The following RRP7A variants were observed in gnomAD, a reference collection of about 807,000 sequenced individuals.
RRP7A encodes ribosomal RNA processing 7 homolog A, also known as ribosomal RNA-processing protein 7 homolog A.
Under a neutral mutation model 38.4 loss-of-function variants are expected in RRP7A, and 27 were observed. The observed-to-expected ratio is 0.70, with a 90% CI of 0.52 to 0.97. The LOEUF (loss-of-function observed/expected upper bound fraction) is 0.97. Ranked by LOEUF, RRP7A falls within the 50% of genes least tolerant of loss-of-function variation. The pLI, the probability that RRP7A is intolerant of heterozygous loss-of-function variation, is 0.00. For synonymous variants in RRP7A, 124 were observed against 150.3 expected (o/e 0.83, Z 1.28); for missense variants, 327 against 375.4 (o/e 0.87, Z 1.07).
In RRP7A at chr22:42,509,371, G is replaced by A. The variant is rs539840531; in HGVS notation, c.*3539C>T. Among the ~76,000 whole-genome samples the A allele has an allele frequency of 6.6e-6, 1 of 151,034 alleles. No homozygotes were observed. The highest frequency in any genetic ancestry group is 2.1e-4 in the South Asian group (1 of 4,818). On this transcript the variant is annotated 3_prime_UTR_variant, in exon 7 of 7. Coordinates refer to ENST00000323013, the MANE Select transcript of RRP7A (RefSeq NM_015703.5). ...AGGTGTCAGCGGGGGGCATGCCCAG[G>A]TAAGGCTCCATAACCAGTGAGCCCA...
rs1932408931 is a variant in RRP7A, at chr22:42,510,117, A to C, written c.*2793T>G. 1 of 152,168 alleles carries C rather than the reference A, an allele frequency of 6.6e-6. No individual in the cohort carries two copies. Among genetic ancestry groups the C allele is most frequent in the African/African-American group, 2.4e-5 (1 of 41,334 alleles). 9.4% of individuals were successfully genotyped at this position (152,168 alleles called of 1,614,324 possible). Reference sequence around the variant, plus strand: ...GTAGCTGGGACTACAGGCACCCACCACCAAGCCCGGCTAATTTTTGTATTT... The same window carrying C: ...GTAGCTGGGACTACAGGCACCCACCCCCAAGCCCGGCTAATTTTTGTATTT... On this transcript the variant is annotated 3_prime_UTR_variant, in exon 7 of 7. Transcript: ENST00000323013.
intron 1 of RRP7A, among the ~76,000 whole-genome samples, chr22:42,519,414 G>A (rs1007456086): frequency 1.3e-5 from 2 of 152,340 alleles, no homozygotes; most frequent in East Asian, 1.9e-4. Context: ...GGGCTCACCT[G>A]GACGAGCGGG....
At position 42,512,283 on chromosome 22, in the gene RRP7A, C is replaced by T. The variant is rs5758776; in HGVS notation, c.*627G>A. On this transcript the variant is annotated 3_prime_UTR_variant, in exon 7 of 7. Coordinates refer to ENST00000323013, the MANE Select transcript of RRP7A (RefSeq NM_015703.5). ...AGACCTAGTGCTCCCAGACTCAACA[C>T]TGGGACTCTGAGTTCCTGAGCCCCA... 109,556 of 1,526,434 alleles carry T rather than the reference C, an allele frequency of 0.072. 14,300 individuals are homozygous for T. In the East Asian group the frequency reaches 0.73, roughly 10 times the overall value. 94.6% of individuals were successfully genotyped at this position (1,526,434 alleles called of 1,614,324 possible). A position where few individuals can be genotyped will look rare whatever the true frequency, so the allele number is the denominator to read the frequency against.
At chr22:42,515,518 C>A (rs1230382216) in intron 3 of RRP7A, among the ~76,000 whole-genome samples, 1 of 152,228 alleles carries the variant, frequency 6.6e-6, no homozygotes, top group Non-Finnish European at 1.5e-5. Flanking sequence ...ACAGAGGCTT[C>A]TTTTCTTCCA....
At chr22:42,513,710 C>T (rs1920923199) in intron 6 of RRP7A, among the ~76,000 whole-genome samples, 1 of 149,112 alleles carries the variant, frequency 6.7e-6, no homozygotes, top group African/African-American at 2.5e-5. Flanking sequence ...CACACACACA[C>T]ACACCCACCA....
intron 2 of RRP7A, 82 bp from the exon 3 acceptor site, chr22:42,516,218 G>C: frequency 6.4e-7 from 1 of 1,565,622 alleles, no homozygotes; most frequent in Non-Finnish European, 8.7e-7. Flanking sequence ...GGCGCTGCCA[G>C]GGGTCCAGCG....
Position 42,512,126 on chromosome 22 carries a change from G to T in RRP7A, c.*784C>A. ...CCCCCTCCCCTCTCCAGCGGTTCCA[G>T]TTTGTGGAAGTCCCAGGCAATCACT... On this transcript the variant is annotated 3_prime_UTR_variant, in exon 7 of 7. Transcript: ENST00000323013. The T allele has an allele frequency of 1.5e-6, 2 of 1,364,734 alleles. No homozygotes were observed. The highest frequency in any genetic ancestry group is 2.1e-6 in the Non-Finnish European group (2 of 957,366). 84.5% of individuals were successfully genotyped at this position (1,364,734 alleles called of 1,614,324 possible). A position where few individuals can be genotyped will look rare whatever the true frequency, so the allele number is the denominator to read the frequency against.
In RRP7A at chr22:42,509,846, G is replaced by A. The variant is rs1478876027; in HGVS notation, c.*3064C>T. 3.1e-5 allele frequency: 1 copy of A among 32,326 alleles called. No individual in the cohort carries two copies. The highest frequency in any genetic ancestry group is 4.6e-5 in the Non-Finnish European group (1 of 21,762). The allele number at this position is 32,326 out of a possible 1,614,324, so 2.0% of individuals were successfully genotyped here. ...CCGGAAGCCTGTTGGGGGTGGGGGG[G>A]TGGGGTGTGTGTGTGTGTGTGTAAG... On this transcript the variant is annotated 3_prime_UTR_variant, in exon 7 of 7. Transcript: ENST00000323013.
intron 2 of RRP7A, 29 bp downstream of exon 2, chr22:42,517,976 G>A (rs1920935373): frequency 1.2e-6 from 2 of 1,606,714 alleles, no homozygotes; most frequent in Non-Finnish European, 1.7e-6. Context: ...TGAGCCCACA[G>A]GTCTCCTCCC....
In RRP7A at chr22:42,510,193, A is replaced by T. The variant is rs1932411293; in HGVS notation, c.*2717T>A. ...TTAGCCAGGATGGTCTCATCTCCTG[A>T]CCTCGTGATCCACCCGCCTCAGCCT... On this transcript the variant is annotated 3_prime_UTR_variant, in exon 7 of 7. Transcript: ENST00000323013. 1 of 152,358 alleles carries T rather than the reference A, an allele frequency of 6.6e-6. No individual in the cohort carries two copies. The highest frequency in any genetic ancestry group is 1.5e-5 in the Non-Finnish European group (1 of 68,254). The allele number at this position is 152,358 out of a possible 1,614,324, so 9.4% of individuals were successfully genotyped here.
At position 42,519,652 on chromosome 22, in the gene RRP7A, A is replaced by G. The variant is rs550798125; in HGVS notation, c.73+62T>C. 518 of 1,328,802 alleles carry G rather than the reference A, an allele frequency of 3.9e-4. 6 individuals carry two copies. In the South Asian group the frequency reaches 8.0e-3, roughly 20 times the overall value. 82.3% of individuals were successfully genotyped at this position (1,328,802 alleles called of 1,614,324 possible). A position where few individuals can be genotyped will look rare whatever the true frequency, so the allele number is the denominator to read the frequency against. On this transcript the variant is annotated intron_variant, in intron 1 of 6. Coordinates refer to ENST00000323013, the MANE Select transcript of RRP7A (RefSeq NM_015703.5). ...TCCTGGGGACCCCCGGCCGTCGCCAACCCCCAAACACCTCCCGGCGATGCC... is the reference window on the plus strand; with the variant it reads ...TCCTGGGGACCCCCGGCCGTCGCCAGCCCCCAAACACCTCCCGGCGATGCC...
chr22:42,514,504 G>A (rs4822145), intron 5 of RRP7A, among the ~76,000 whole-genome samples, 178 bp downstream of exon 5: 17,887 of 151,248 alleles, frequency 0.12, 1,277 homozygotes, highest in Admixed American at 0.18. Flanking sequence ...TCCACTGTAG[G>A]ACATGTGGAG....
In RRP7A at chr22:42,512,593, G is replaced by A. The variant is rs1035068945; in HGVS notation, c.*317C>T. The A allele has an allele frequency of 3.2e-4, 175 of 549,650 alleles. No homozygotes were observed. The highest frequency in any genetic ancestry group is 4.9e-4 in the Non-Finnish European group (150 of 306,516). 34.0% of individuals were successfully genotyped at this position (549,650 alleles called of 1,614,324 possible). On this transcript the variant is annotated 3_prime_UTR_variant, in exon 7 of 7. Coordinates refer to ENST00000323013, the MANE Select transcript of RRP7A (RefSeq NM_015703.5). ...TGAGGCTTTTTCGTTGCCAGCAAGG[G>A]CTTTTGCATTGAGGGAAAAGGAAGC...
chr22:42,510,423 T>C lies in RRP7A; in HGVS notation c.*2487A>G, dbSNP rs4822143. The C allele has an allele frequency of 0.13, 34,757 of 261,584 alleles. 2,888 individuals are homozygous for C. The highest frequency in any genetic ancestry group is 0.2 in the Admixed American group (3,525 of 18,076). The allele number at this position is 261,584 out of a possible 1,614,324, so 16.2% of individuals were successfully genotyped here. ...CCAGCAAGGCTGTGCCTTCAGCACT[T>C]GCTTGCGCCTGGCTTGTGCCAGCTG... On this transcript the variant is annotated 3_prime_UTR_variant, in exon 7 of 7. Transcript: ENST00000323013.
Position 42,519,768 on chromosome 22 carries a change from T to A in RRP7A, c.19A>T (p.Lys7Ter). 1.4e-6 allele frequency: 2 copies of A among 1,449,764 alleles called. No homozygotes were observed. Among genetic ancestry groups the A allele is most frequent in the Non-Finnish European group, 1.8e-6 (2 of 1,102,620 alleles). 89.8% of individuals were successfully genotyped at this position (1,449,764 alleles called of 1,614,324 possible). A position where few individuals can be genotyped will look rare whatever the true frequency, so the allele number is the denominator to read the frequency against. ...TCCTCCGGGTCCCGCGCGGCGCACT[T>A]CCTCCTGCGCGCCACCATCTTGCCA... MVARRR[K>*]CAARDPEDRI... The change falls in exon 1 of 7, where the codon AAG becomes TAG. Residue 7 changes from lysine to a stop codon, truncating the protein, a stop_gained. Coordinates refer to ENST00000323013, the MANE Select transcript of RRP7A (RefSeq NM_015703.5). LOFTEE classifies it high-confidence loss of function.
Position 42,511,217 on chromosome 22 carries a change from C to T in RRP7A, c.*1693G>A, listed in dbSNP as rs1461642992. The T allele has an allele frequency of 6.6e-6, 1 of 151,816 alleles. No individual in the cohort carries two copies. The highest frequency in any genetic ancestry group is 1.5e-5 in the Non-Finnish European group (1 of 68,202). 9.4% of individuals were successfully genotyped at this position (151,816 alleles called of 1,614,324 possible). A position where few individuals can be genotyped will look rare whatever the true frequency, so the allele number is the denominator to read the frequency against. On this transcript the variant is annotated 3_prime_UTR_variant, in exon 7 of 7. Transcript: ENST00000323013. ...TTTGAGATGGAGTCTCACTCTGTCG[C>T]TCAGGCTGGAGTGCAGTGGGAAGAT...
At chr22:42,515,837 A>G (rs1220084145) in intron 3 of RRP7A, among the ~76,000 whole-genome samples, 174 bp downstream of exon 3, 4 of 152,220 alleles carry the variant, frequency 2.6e-5, no homozygotes, top group African/African-American at 9.7e-5. Context: ...GGATGTGGCA[A>G]ATCTGGCAAA....
chr22:42,510,355 C>T lies in RRP7A; in HGVS notation c.*2555G>A, dbSNP rs1446135917. ...AGCGCCTGTTCAGATCCCAGCTCTG[C>T]TGTTCAGGGCTGACTGTGACCAAGT... On this transcript the variant is annotated 3_prime_UTR_variant, in exon 7 of 7. Transcript: ENST00000323013. The T allele has an allele frequency of 6.1e-5, 11 of 181,104 alleles. No individual in the cohort carries two copies. The highest frequency in any genetic ancestry group is 1.2e-4 in the Non-Finnish European group (10 of 86,948). 11.2% of individuals were successfully genotyped at this position (181,104 alleles called of 1,614,324 possible).
Position 42,514,096 on chromosome 22 carries a change from G to A in RRP7A, c.757+10C>T. ...CCGAGGGGTCTGAGGATGGACTGGG[G>A]GTGGCTTACGCTCCATCTTGCTCTC... On this transcript the variant is annotated intron_variant, in intron 6 of 6. Transcript: ENST00000323013. 6.2e-7 allele frequency: 1 copy of A among 1,610,210 alleles called. No individual in the cohort carries two copies. Among genetic ancestry groups the A allele is most frequent in the Non-Finnish European group, 8.5e-7 (1 of 1,178,710 alleles).
Sources: allele counts gnomAD v4.1 joint callset (sites outside exome capture counted in the v4.1 genomes callset), GRCh38; gene constraint gnomAD v4.1.1; transcripts MANE v1.5; gene names NCBI Gene and HGNC (gene_info 2026-07-23, HGNC 2026-07-21).